Variants in METTL5 observed in about 807,000 individuals in gnomAD.
METTL5 encodes methyltransferase 5, N6-adenosine.
In METTL5, 28 loss-of-function variants were observed where a neutral mutation model predicts 26.5. The ratio of observed to expected loss-of-function variants is 1.06; its 90% CI spans 0.78 to 1.45. The LOEUF (loss-of-function observed/expected upper bound fraction) is 1.45. Among genes scored for constraint, METTL5 ranks in the 40% most tolerant of loss-of-function variants. The probability of loss-of-function intolerance (pLI) is 0.00; values close to 1 mark genes in which losing one functional copy is unlikely to be tolerated. For synonymous variants in METTL5, 86 were observed against 82.6 expected (o/e 1.04, Z -0.22); for missense variants, 231 against 249.9 (o/e 0.92, Z 0.51).
At chr2:169,819,415 C>T (rs527686810) in intron 4 of METTL5, 146 bp downstream of exon 4, 130 of 547,670 alleles carry the variant, frequency 2.4e-4, no homozygotes, top group Non-Finnish European at 3.6e-4. Flanking sequence ...CAGATGCTAG[C>T]TGGTTAAGTG....
intron 4 of METTL5, among the ~76,000 whole-genome samples, chr2:169,816,695 A>G (rs920967084): frequency 4.0e-4 from 61 of 152,288 alleles, no homozygotes; most frequent in South Asian, 8.3e-4. Context: ...AAGCAATGGG[A>G]AAAGGATTCC....
chr2:169,815,800 A>G (rs895077310), intron 4 of METTL5, among the ~76,000 whole-genome samples: 1 of 152,238 alleles, frequency 6.6e-6, no homozygotes, highest in Non-Finnish European at 1.5e-5. Context: ...TAGGGACTGC[A>G]TATATTTTGG....
intron 5 of METTL5, among the ~76,000 whole-genome samples, chr2:169,813,733 G>A (rs1690058233): frequency 6.6e-6 from 1 of 151,618 alleles, no homozygotes; most frequent in Non-Finnish European, 1.5e-5. Context: ...ACGTGGTGGT[G>A]CGCCTGTAGT....
chr2:169,811,784 T>A lies in METTL5; in HGVS notation c.*36A>T. 6.2e-7 allele frequency: 1 copy of A among 1,613,478 alleles called. No individual in the cohort carries two copies. The highest frequency in any genetic ancestry group is 8.5e-7 in the Non-Finnish European group (1 of 1,179,742). The stretch of plus-strand genomic sequence containing the variant: ...TAGTAAACCAATTTTTTATTCATTT[T>A]AAATAGGTTTTAAACGACTTTTGTT... On this transcript the variant is annotated 3_prime_UTR_variant, in exon 7 of 7. Transcript: ENST00000260953.
At chr2:169,817,163 G>A (rs2081520159) in intron 4 of METTL5, among the ~76,000 whole-genome samples, 1 of 152,104 alleles carries the variant, frequency 6.6e-6, no homozygotes, top group Non-Finnish European at 1.5e-5. Context: ...CATTTATGCA[G>A]CCAACAGACA....
rs2081631647 is a variant in METTL5, at chr2:169,824,793, C to T, written c.-196G>A. 1 of 505,842 alleles carries T rather than the reference C, an allele frequency of 2.0e-6. No homozygotes were observed. Among genetic ancestry groups the T allele is most frequent in the Non-Finnish European group, 3.6e-6 (1 of 278,460 alleles). 31.3% of individuals were successfully genotyped at this position (505,842 alleles called of 1,614,324 possible). On this transcript the variant is annotated 5_prime_UTR_variant, in exon 1 of 7. Coordinates refer to ENST00000260953, the MANE Select transcript of METTL5 (RefSeq NM_014168.4). Reference sequence around the variant, plus strand: ...AGCCTCTGACCCACCTCCCGGCTAACCCAAGCCGCCCCAGGAGACGGCGGC... The same window carrying T: ...AGCCTCTGACCCACCTCCCGGCTAATCCAAGCCGCCCCAGGAGACGGCGGC...
intron 2 of METTL5, 52 bp downstream of exon 2, chr2:169,821,891 G>T: frequency 1.3e-6 from 2 of 1,504,734 alleles, no homozygotes; most frequent in Non-Finnish European, 9.2e-7. Flanking sequence ...TCCCATTGAT[G>T]CTCCTTATTA....
At chr2:169,822,192 G>A (rs1055082652) in intron 1 of METTL5, 135 bp from the exon 2 acceptor site, 2 of 1,289,402 alleles carry the variant, frequency 1.6e-6, no homozygotes, top group Non-Finnish European at 2.1e-6. Flanking sequence ...GATTATTTTT[G>A]TAAAAGATAA....
Position 169,812,450 on chromosome 2 carries a change from G to T in METTL5, c.591+7C>A. 1 of 1,613,990 alleles carries T rather than the reference G, an allele frequency of 6.2e-7. No homozygotes were observed. The highest frequency in any genetic ancestry group is 8.5e-7 in the Non-Finnish European group (1 of 1,179,962). On this transcript the variant is annotated splice_region_variant and intron_variant, in intron 6 of 6. Coordinates refer to ENST00000260953, the MANE Select transcript of METTL5 (RefSeq NM_014168.4). ...GAATGTAGACCAGCCAAAATCAAGA[G>T]ACTTACTGATTTCTTTTTGTGAAAC...
intron 4 of METTL5, 32 bp from the exon 5 acceptor site, chr2:169,815,560 AT>A (rs1425530561): frequency 6.7e-7 from 1 of 1,494,294 alleles, no homozygotes; most frequent in Non-Finnish European, 9.1e-7. Flanking sequence ...TTATGAGCTG[AT>A]TTTTAAATAA....
rs1333703073 is a variant in METTL5, at chr2:169,822,069, A to T, written c.110-12T>A. 5.7e-6 allele frequency: 9 copies of T among 1,580,744 alleles called. No homozygotes were observed. The South Asian group carries it at 9.4e-5, about 17-fold the overall frequency. Reference sequence around the variant, plus strand: ...ATAGAGCATACATGCTAAAAAATAAAAAAAAAAAGAATAAGTAAGCAAGCC... The same window carrying T: ...ATAGAGCATACATGCTAAAAAATAATAAAAAAAAGAATAAGTAAGCAAGCC... On this transcript the variant is annotated splice_polypyrimidine_tract_variant and intron_variant, in intron 1 of 6. Transcript: ENST00000260953.
chr2:169,824,519 C>T lies in METTL5; in HGVS notation c.79G>A (p.Glu27Lys). ...DGFEKPKLLLEQYPTRPHIAA... is the reference protein window; with the variant it reads ...DGFEKPKLLLKQYPTRPHIAA... ...ATGTGCGGCCTGGTAGGATACTGTTCCAGAAGTAGCTTGGGCTTTTCAAAT... is the reference window on the plus strand; with the variant it reads ...ATGTGCGGCCTGGTAGGATACTGTTTCAGAAGTAGCTTGGGCTTTTCAAAT... The change falls in exon 1 of 7, where the codon GAA (glutamate) becomes AAA (lysine). Residue 27 changes from glutamate (E) to lysine (K), a missense_variant. Transcript: ENST00000260953. 6.2e-7 allele frequency: 1 copy of T among 1,614,184 alleles called. No homozygotes were observed. The highest frequency in any genetic ancestry group is 8.5e-7 in the Non-Finnish European group (1 of 1,180,022).
At chr2:169,816,307 T>C (rs2081504133) in intron 4 of METTL5, among the ~76,000 whole-genome samples, 1 of 152,230 alleles carries the variant, frequency 6.6e-6, no homozygotes, top group Non-Finnish European at 1.5e-5. Context: ...ATCATTTCTA[T>C]AGTTCGTTAC....
rs137926676 is a variant in METTL5, at chr2:169,815,040, C to T, written c.541+437G>A. 6.5e-3 allele frequency among the ~76,000 whole-genome samples: 986 copies of T among 152,070 alleles called. 12 individuals are homozygous for T. The highest frequency in any genetic ancestry group is 0.022 in the African/African-American group (922 of 41,466). ...CCAAGTAGCTGAGATTACACGTGTGCGCCACCATGCCTGGCTAATTTTTTA... is the reference window on the plus strand; with the variant it reads ...CCAAGTAGCTGAGATTACACGTGTGTGCCACCATGCCTGGCTAATTTTTTA... On this transcript the variant is annotated intron_variant, in intron 5 of 6. Coordinates refer to ENST00000260953, the MANE Select transcript of METTL5 (RefSeq NM_014168.4).
At chr2:169,817,817 T>C (rs2081530657) in intron 4 of METTL5, among the ~76,000 whole-genome samples, 1 of 151,978 alleles carries the variant, frequency 6.6e-6, no homozygotes, top group Non-Finnish European at 1.5e-5. Flanking sequence ...CTAATGTAAA[T>C]GACAAGTTGA....
At chr2:169,824,235 A>G (rs1405444769) in intron 1 of METTL5, 4 of 375,094 alleles carry the variant, frequency 1.1e-5, no homozygotes, top group Non-Finnish European at 2.0e-5. Flanking sequence ...GTGAGAAGAG[A>G]AAAAAACACA....
At position 169,812,483 on chromosome 2, in the gene METTL5, A is replaced by G; in HGVS notation, c.565T>C (p.Ser189Pro). 1 of 1,614,108 alleles carries G rather than the reference A, an allele frequency of 6.2e-7. No individual in the cohort carries two copies. The change falls in exon 6 of 7, where the codon TCA (serine) becomes CCA (proline). Residue 189 changes from serine (S) to proline (P), a missense_variant. By Grantham distance (74) the Ser-to-Pro change is moderately conservative (BLOSUM62 -1). Transcript: ENST00000260953. ...GATTTCTTTTTGTGAAACTTGTATG[A>G]TGCTGGCAGGTCATATCGAAGTTCT... ...IAELRYDLPA[S>P]YKFHKKKSVD...
chr2:169,812,022 C>A, intron 6 of METTL5, 164 bp from the exon 7 acceptor site: 1 of 750,922 alleles, frequency 1.3e-6, no homozygotes, highest in Non-Finnish European at 2.1e-6. Context: ...TGTATTAGTA[C>A]AAACTAACTA....
intron 2 of METTL5, among the ~76,000 whole-genome samples, chr2:169,821,587 T>C (rs2081586295): frequency 6.6e-6 from 1 of 152,092 alleles, no homozygotes; most frequent in Admixed American, 6.6e-5. Flanking sequence ...GATTTCACCA[T>C]GTTGCCCAGG....
Sources: allele counts gnomAD v4.1 joint callset (sites outside exome capture counted in the v4.1 genomes callset), GRCh38; gene constraint gnomAD v4.1.1; transcripts MANE v1.5; gene names NCBI Gene and HGNC (gene_info 2026-07-23, HGNC 2026-07-21).